The following DPYSL3 variants were observed in gnomAD, a reference collection of about 807,000 sequenced individuals.
DPYSL3 encodes dihydropyrimidinase like 3.
A neutral mutation model predicts 66.1 loss-of-function variants in DPYSL3; 16 were observed. The observed-to-expected ratio is 0.24, with a 90% confidence interval of 0.16 to 0.37. The LOEUF is 0.37. Ranked by LOEUF, DPYSL3 falls within the 10% of genes least tolerant of loss-of-function variation. The pLI, the probability that DPYSL3 is intolerant of heterozygous loss-of-function variation, is 1.00. For missense variants in DPYSL3, 738 were observed against 916.2 expected (o/e 0.81, Z 2.51); for synonymous variants, 338 against 345.1 (o/e 0.98, Z 0.23).
At position 147,509,592 on chromosome 5, in the gene DPYSL3, G is replaced by A. The variant is rs1447977189; in HGVS notation, c.267C>T (p.Gly89=). 1.2e-5 allele frequency: 19 copies of A among 1,535,332 alleles called. No individual in the cohort carries two copies. The highest frequency in any genetic ancestry group is 1.5e-5 in the Non-Finnish European group (17 of 1,146,644). The change falls in exon 1 of 14, where the codon GGC becomes GGT. Residue 89 remains glycine, a synonymous_variant. Coordinates refer to ENST00000343218, the MANE Select transcript of DPYSL3 (RefSeq NM_001197294.2). This position sits in a 1 kb window ranked among gnomAD's most constrained non-coding sequence, Gnocchi z 5.3. The part of the protein sequence containing the change: ...PGIEGDTPRR[G]QGREESREPA... Reference sequence around the variant, plus strand: ...GCTCCCTGCTCTCTTCCCGGCCTTGGCCCCTGCGCGGGGTGTCCCCCTCGA... The same window carrying A: ...GCTCCCTGCTCTCTTCCCGGCCTTGACCCCTGCGCGGGGTGTCCCCCTCGA...
intron 3 of DPYSL3, among the ~76,000 whole-genome samples, chr5:147,417,670 T>G (rs951852449): frequency 5.3e-5 from 8 of 152,194 alleles, no homozygotes; most frequent in Non-Finnish European, 1.2e-4. Flanking sequence ...CAGGAAGGAC[T>G]GCCCTGGAAT....
chr5:147,433,589 C>A (rs535560963), intron 1 of DPYSL3, among the ~76,000 whole-genome samples: 1 of 152,298 alleles, frequency 6.6e-6, no homozygotes, highest in Non-Finnish European at 1.5e-5. Context: ...AGGCAACTAA[C>A]TTGATGCTTC....
intron 12 of DPYSL3, among the ~76,000 whole-genome samples, chr5:147,397,268 A>G (rs976169683): frequency 2.6e-5 from 4 of 151,934 alleles, no homozygotes; most frequent in African/African-American, 7.2e-5. Context: ...CTAAAATGTT[A>G]TAAGTGTTTG....
In DPYSL3 at chr5:147,433,840, T is replaced by C. The variant is rs1045039871; in HGVS notation, c.382-8877A>G. Among the ~76,000 whole-genome samples, 3 of 152,130 alleles carry C rather than the reference T, an allele frequency of 2.0e-5. No homozygotes were observed. In the East Asian group the frequency reaches 5.8e-4, roughly 29 times the overall value. Reference sequence around the variant, plus strand: ...CGAGGTCAGGAGATCGAGACCATCCTGGCCAACATGGTGAAACCCCGTCTC... The same window carrying C: ...CGAGGTCAGGAGATCGAGACCATCCCGGCCAACATGGTGAAACCCCGTCTC... On this transcript the variant is annotated intron_variant, in intron 1 of 13. Coordinates refer to ENST00000343218, the MANE Select transcript of DPYSL3 (RefSeq NM_001197294.2).
intron 3 of DPYSL3, 37 bp from the exon 4 acceptor site, chr5:147,415,910 C>T (rs765876126): frequency 2.5e-6 from 4 of 1,604,774 alleles, no homozygotes; most frequent in Admixed American, 1.7e-5. Flanking sequence ...CACTCTCAGA[C>T]ACAGCCTTTG....
rs1455505351 is a variant in DPYSL3, at chr5:147,400,816, G to C, written c.1328C>G (p.Ser443Cys). ...SLLASGDLQL[S>C]GSAHCTFSTA... ...GCTGAAGGTGCAGTGGGCACTCCCA[G>C]ATAGCTGCAGATCCCCGCTGGCAAA... The change falls in exon 10 of 14, where the codon TCT becomes TGT. Residue 443 changes from serine (S) to cysteine (C), a missense_variant. By Grantham distance (112) the Ser-to-Cys change is moderately radical. Transcript: ENST00000343218. 2.5e-6 allele frequency: 4 copies of C among 1,613,958 alleles called. No individual in the cohort carries two copies. Among genetic ancestry groups the C allele is most frequent in the Non-Finnish European group, 3.4e-6 (4 of 1,179,908 alleles).
intron 1 of DPYSL3, among the ~76,000 whole-genome samples, chr5:147,487,062 C>G (rs1243437332): frequency 6.6e-6 from 1 of 152,154 alleles, no homozygotes; most frequent in East Asian, 1.9e-4. Context: ...ACCACTACCT[C>G]TCTTTTTGCA....
chr5:147,415,196 C>T (rs1202628340), intron 4 of DPYSL3, among the ~76,000 whole-genome samples: 1 of 152,076 alleles, frequency 6.6e-6, no homozygotes, highest in African/African-American at 2.4e-5. Context: ...AAGCTCCCAG[C>T]CTGAGTACCA....
intron 8 of DPYSL3, among the ~76,000 whole-genome samples, chr5:147,404,602 T>G (rs929031296): frequency 6.6e-6 from 1 of 152,206 alleles, no homozygotes; most frequent in Non-Finnish European, 1.5e-5. Flanking sequence ...GCTTCTCACC[T>G]GCACTCGTCC....
chr5:147,446,984 G>A (rs919079683), intron 1 of DPYSL3, among the ~76,000 whole-genome samples: 3 of 152,170 alleles, frequency 2.0e-5, no homozygotes, highest in African/African-American at 4.8e-5. Context: ...CCTATGAAAC[G>A]AATTCACCTT....
Position 147,424,868 on chromosome 5 carries a change from T to C in DPYSL3, c.470+7A>G. 2 of 1,596,868 alleles carry C rather than the reference T, an allele frequency of 1.3e-6. No homozygotes were observed. Among genetic ancestry groups the C allele is most frequent in the Non-Finnish European group, 1.7e-6 (2 of 1,167,206 alleles). The stretch of plus-strand genomic sequence containing the variant: ...AAACAATAAAGAGAAGAATTCCATA[T>C]ACATACTTTATTAAGCCATCTTCCA... On this transcript the variant is annotated splice_region_variant and intron_variant, in intron 2 of 13. Transcript: ENST00000343218.
At chr5:147,452,881 G>GCGCA (rs1478463531) in intron 1 of DPYSL3, among the ~76,000 whole-genome samples, 1 of 137,352 alleles carries the variant, frequency 7.3e-6, no homozygotes, top group Admixed American at 7.2e-5. Context: ...TGCATCGAAG[G>GCGCA]CACACACACA....
chr5:147,419,940 G>T (rs1442537755), intron 2 of DPYSL3, among the ~76,000 whole-genome samples: 1 of 152,038 alleles, frequency 6.6e-6, no homozygotes, highest in Non-Finnish European at 1.5e-5. Context: ...GAGAACCAAG[G>T]GCATGAAGAG....
chr5:147,434,491 C>T (rs1300077343), intron 1 of DPYSL3, among the ~76,000 whole-genome samples: 1 of 152,150 alleles, frequency 6.6e-6, no homozygotes, highest in Non-Finnish European at 1.5e-5. Flanking sequence ...AATGCCTATT[C>T]CATCAGGAAG....
intron 8 of DPYSL3, among the ~76,000 whole-genome samples, chr5:147,404,084 G>A (rs1396554762): frequency 6.6e-6 from 1 of 152,162 alleles, no homozygotes; most frequent in East Asian, 1.9e-4. Flanking sequence ...GCGGCACTGG[G>A]TGAGGGCACA....
intron 1 of DPYSL3, among the ~76,000 whole-genome samples, chr5:147,463,532 T>G (rs953811338): frequency 6.6e-6 from 1 of 152,122 alleles, no homozygotes; most frequent in East Asian, 1.9e-4. Context: ...GATACATGTA[T>G]TGCATTGTTA....
chr5:147,459,387 T>C (rs1752900092), intron 1 of DPYSL3, among the ~76,000 whole-genome samples: 1 of 152,154 alleles, frequency 6.6e-6, no homozygotes, highest in Non-Finnish European at 1.5e-5. Flanking sequence ...TGTTCTTATA[T>C]TACATAAATA....
chr5:147,417,251 G>A (rs1751988510), intron 3 of DPYSL3, among the ~76,000 whole-genome samples: 1 of 152,200 alleles, frequency 6.6e-6, no homozygotes, highest in African/African-American at 2.4e-5. Flanking sequence ...GCCAAGCCAA[G>A]ATCACTCATT....
Position 147,509,382 on chromosome 5 carries a change from G to A in DPYSL3, c.381+96C>T, listed in dbSNP as rs1753725478. 1 of 1,403,586 alleles carries A rather than the reference G, an allele frequency of 7.1e-7. No homozygotes were observed. Among genetic ancestry groups the A allele is most frequent in the Non-Finnish European group, 9.4e-7 (1 of 1,068,998 alleles). 86.9% of individuals were successfully genotyped at this position (1,403,586 alleles called of 1,614,324 possible). ...CCTCCTCCTTGTCCCCCAGCCCCGTGCAAAGTGAGCTGGAGAAAGTTGTGC... is the reference window on the plus strand; with the variant it reads ...CCTCCTCCTTGTCCCCCAGCCCCGTACAAAGTGAGCTGGAGAAAGTTGTGC... On this transcript the variant is annotated intron_variant, in intron 1 of 13. Coordinates refer to ENST00000343218, the MANE Select transcript of DPYSL3 (RefSeq NM_001197294.2). The surrounding 1 kb of genome is among the most constrained non-coding windows in gnomAD (Gnocchi z 5.3).
Sources: allele counts gnomAD v4.1 joint callset (sites outside exome capture counted in the v4.1 genomes callset), GRCh38; gene constraint gnomAD v4.1.1; non-coding constraint Gnocchi (gnomAD v3.1); transcripts MANE v1.5; gene names NCBI Gene and HGNC (gene_info 2026-07-23, HGNC 2026-07-21).